The following BAIAP2L1 variants were observed in gnomAD, a reference collection of about 807,000 sequenced individuals.
BAIAP2L1 encodes the protein BAR/IMD domain-containing adapter protein 2-like 1.
In BAIAP2L1, 35 loss-of-function variants were observed where a neutral mutation model predicts 66.3. The ratio of observed to expected loss-of-function variants is 0.53; its 90% CI spans 0.40 to 0.70. The LOEUF (loss-of-function observed/expected upper bound fraction) is 0.70, where lower values mean the gene tolerates loss of function less well. Ranked by LOEUF, BAIAP2L1 falls within the 30% of genes least tolerant of loss-of-function variation. The pLI, the probability that BAIAP2L1 is intolerant of heterozygous loss-of-function variation, is 0.00. For synonymous variants in BAIAP2L1, 269 were observed against 248.7 expected (o/e 1.08, Z -0.77); for missense variants, 622 against 656.9 (o/e 0.95, Z 0.58).
At chr7:98,397,682 G>GT (rs1231955755) in intron 1 of BAIAP2L1, among the ~76,000 whole-genome samples, 1 of 152,000 alleles carries the variant, frequency 6.6e-6, no homozygotes, top group African/African-American at 2.4e-5. Context: ...TTAATTAAGG[G>GT]TTTTTTTGAA....
rs115397007 is a variant in BAIAP2L1, at chr7:98,315,421, G to T, written c.639+39C>A. ...CTGGGGCATTTAAATATGAAATAAAGTTATTAATACGCTCAAGGCAATTTG... is the reference window on the plus strand; with the variant it reads ...CTGGGGCATTTAAATATGAAATAAATTTATTAATACGCTCAAGGCAATTTG... On this transcript the variant is annotated intron_variant, in intron 7 of 13. Coordinates refer to ENST00000005260, the MANE Select transcript of BAIAP2L1 (RefSeq NM_018842.5). 1,259 of 1,358,220 alleles carry T rather than the reference G, an allele frequency of 9.3e-4. 13 individuals are homozygous for T. The African/African-American group carries it at 0.017, about 18-fold the overall frequency. 84.1% of individuals were successfully genotyped at this position (1,358,220 alleles called of 1,614,324 possible).
intron 12 of BAIAP2L1, among the ~76,000 whole-genome samples, chr7:98,298,826 G>A (rs1035373116): frequency 6.6e-6 from 1 of 152,026 alleles, no homozygotes; most frequent in African/African-American, 2.4e-5. Context: ...AGAGGCCCCC[G>A]GGGCTTTCAG....
At position 98,315,550 on chromosome 7, in the gene BAIAP2L1, T is replaced by C; in HGVS notation, c.549A>G (p.Lys183=). 6.6e-7 allele frequency: 1 copy of C among 1,511,930 alleles called. No homozygotes were observed. The highest frequency in any genetic ancestry group is 1.3e-5 in the South Asian group (1 of 75,760). 93.7% of individuals were successfully genotyped at this position (1,511,930 alleles called of 1,614,324 possible). ...EIQKFIADGC[K]EALLEEKRRF... is the part of the protein sequence containing the mutation. ...GCCTCTTCTCTTCAAGCAGAGCCTC[T>C]TTGCAACCATCTGCAATGAATTTCT... Residue 183 remains lysine, a synonymous_variant, in exon 7 of 14, where the codon AAA becomes AAG. Coordinates refer to ENST00000005260, the MANE Select transcript of BAIAP2L1 (RefSeq NM_018842.5).
intron 2 of BAIAP2L1, chr7:98,355,449 GC>G (rs1467222419): frequency 3.2e-6 from 1 of 311,222 alleles, no homozygotes; most frequent in Non-Finnish European, 6.3e-6. Context: ...TTGAACTAGG[GC>G]TTTGCCTGGG....
intron 3 of BAIAP2L1, among the ~76,000 whole-genome samples, chr7:98,333,783 A>G (rs1411247238): frequency 6.7e-6 from 1 of 148,788 alleles, no homozygotes; most frequent in African/African-American, 2.5e-5. Context: ...ACCAAGAAGA[A>G]ACAAACCCTG....
chr7:98,306,432 G>GGCGTGGGCTACCTT lies in BAIAP2L1; in HGVS notation c.1241+6_1241+7insAAGGTAGCCCACGC, dbSNP rs1562966800. 1 of 1,614,184 alleles carries GGCGTGGGCTACCTT rather than the reference G, an allele frequency of 6.2e-7. No homozygotes were observed. The highest frequency in any genetic ancestry group is 8.5e-7 in the Non-Finnish European group (1 of 1,180,016). On this transcript the variant is annotated splice_region_variant and intron_variant, in intron 11 of 13. Transcript: ENST00000005260. ...CACCGGGAGAGCTCAGCCACGTTCA[G>GGCGTGGGCTACCTT]GGCTACCTTGGCGTGGGCACGGTCA...
chr7:98,400,233 T>C lies in BAIAP2L1; in HGVS notation c.51+569A>G, dbSNP rs10254734. The C allele has an allele frequency of 4.0e-3, 516 of 130,158 alleles. 5 individuals carry two copies. Among genetic ancestry groups the C allele is most frequent in the African/African-American group, 0.015 (494 of 33,034 alleles). 8.1% of individuals were successfully genotyped at this position (130,158 alleles called of 1,614,324 possible). The stretch of plus-strand genomic sequence containing the variant: ...GGGGATGGGGGGTGGTCTCCAGAGC[T>C]CTGAGGGTCAGGGAAGAGGAGAAGG... On this transcript the variant is annotated intron_variant, in intron 1 of 13. Coordinates refer to ENST00000005260, the MANE Select transcript of BAIAP2L1 (RefSeq NM_018842.5).
At chr7:98,311,276 GC>G (rs1217529539) in intron 8 of BAIAP2L1, among the ~76,000 whole-genome samples, 2 of 152,126 alleles carry the variant, frequency 1.3e-5, no homozygotes, top group Admixed American at 6.6e-5. Context: ...GGGTGCAGTG[GC>G]TCACGCCTGT....
intron 3 of BAIAP2L1, chr7:98,323,529 T>C (rs1442397273): frequency 2.0e-5 from 3 of 152,234 alleles, no homozygotes; most frequent in African/African-American, 7.2e-5. Context: ...CACAACCTTA[T>C]ATAATGTGGA....
At chr7:98,398,761 A>T (rs879936161) in intron 1 of BAIAP2L1, among the ~76,000 whole-genome samples, 20 of 152,264 alleles carry the variant, frequency 1.3e-4, no homozygotes, top group African/African-American at 3.4e-4. Context: ...CTAAGGAGTT[A>T]TTACTAAAAG....
chr7:98,365,988 G>A (rs1267133815), intron 1 of BAIAP2L1, among the ~76,000 whole-genome samples: 1 of 152,184 alleles, frequency 6.6e-6, no homozygotes, highest in Non-Finnish European at 1.5e-5. Context: ...GAGGCGTGCA[G>A]CCCGTCACTG....
intron 2 of BAIAP2L1, among the ~76,000 whole-genome samples, chr7:98,359,946 C>G (rs1265737048): frequency 6.7e-6 from 1 of 149,078 alleles, no homozygotes; most frequent in Non-Finnish European, 1.5e-5. Flanking sequence ...TTTCTGAGGC[C>G]GAGTCTCACT....
At chr7:98,332,762 T>C (rs1160061514) in intron 3 of BAIAP2L1, among the ~76,000 whole-genome samples, 1 of 134,986 alleles carries the variant, frequency 7.4e-6, no homozygotes, top group Non-Finnish European at 1.5e-5. Context: ...TGAGCCGAGA[T>C]CACGCCGCTG....
chr7:98,299,320 G>T (rs1214248223), intron 12 of BAIAP2L1, among the ~76,000 whole-genome samples: 3 of 151,732 alleles, frequency 2.0e-5, no homozygotes, highest in Non-Finnish European at 1.5e-5. Context: ...CGCCTGACTG[G>T]TTTTTTAGTT....
chr7:98,305,036 TTTTG>T (rs1316178674), intron 11 of BAIAP2L1, among the ~76,000 whole-genome samples: 2 of 117,766 alleles, frequency 1.7e-5, no homozygotes, highest in Non-Finnish European at 3.3e-5. Flanking sequence ...CAGCTAATTT[TTTTG>T]TTTTTTGTTT....
chr7:98,322,819 C>T lies in BAIAP2L1; in HGVS notation c.215-2521G>A, dbSNP rs1394245173. Reference sequence around the variant, plus strand: ...TCCTCACAGATGCCAGGGATCTTTCCAAAATGCAGGCGTAACATGTCGCTC... The same window carrying T: ...TCCTCACAGATGCCAGGGATCTTTCTAAAATGCAGGCGTAACATGTCGCTC... On this transcript the variant is annotated intron_variant, in intron 3 of 13. Coordinates refer to ENST00000005260, the MANE Select transcript of BAIAP2L1 (RefSeq NM_018842.5). 4 of 152,282 alleles carry T rather than the reference C, an allele frequency of 2.6e-5. No individual in the cohort carries two copies. In the East Asian group the frequency reaches 7.7e-4, roughly 29 times the overall value. 9.4% of individuals were successfully genotyped at this position (152,282 alleles called of 1,614,324 possible). A position where few individuals can be genotyped will look rare whatever the true frequency, so the allele number is the denominator to read the frequency against.
intron 1 of BAIAP2L1, among the ~76,000 whole-genome samples, chr7:98,381,275 G>A (rs533369909): frequency 2.0e-5 from 3 of 152,140 alleles, no homozygotes; most frequent in Non-Finnish European, 4.4e-5. Flanking sequence ...AATCTTCAGC[G>A]CATGGAGAAA....
At chr7:98,399,369 T>C (rs188010615) in intron 1 of BAIAP2L1, among the ~76,000 whole-genome samples, 16 of 152,336 alleles carry the variant, frequency 1.1e-4, no homozygotes, top group Middle Eastern at 3.4e-3. Flanking sequence ...ATAACAAAAA[T>C]GTTCATGTTC....
chr7:98,359,745 G>GTTTTTTTTTTT (rs780836343), intron 2 of BAIAP2L1, among the ~76,000 whole-genome samples: 11 of 109,050 alleles, frequency 1.0e-4, no homozygotes, highest in South Asian at 3.0e-4. Flanking sequence ...GTAGACCTGG[G>GTTTTTTTTTTT]TTTTTTTTTT....
Sources: gnomAD v4.1 joint callset for allele counts (sites outside exome capture counted in the v4.1 genomes callset) on GRCh38, gnomAD v4.1.1 for gene constraint, MANE v1.5 for transcripts, NCBI Gene and HGNC (gene_info 2026-07-23, HGNC 2026-07-21) for gene names.